The following NAALADL2 variants were observed in gnomAD, a reference collection of about 807,000 sequenced individuals.
NAALADL2 encodes N-acetylated alpha-linked acidic dipeptidase like 2.
Under a neutral mutation model 87.2 loss-of-function variants are expected in NAALADL2, and 76 were observed. The ratio of observed to expected loss-of-function variants is 0.87; its 90% CI spans 0.72 to 1.05. The LOEUF (loss-of-function observed/expected upper bound fraction) is 1.05, where lower values mean the gene tolerates loss of function less well. Among genes scored for constraint, NAALADL2 ranks in the 50% least tolerant of loss-of-function variants. NAALADL2 has a pLI of 0.00. For missense variants in NAALADL2, 1,089 were observed against 945.8 expected, an observed-to-expected ratio of 1.15 and a Z score of -1.99; for synonymous variants, 354 against 331.0, an observed-to-expected ratio of 1.07 and a Z score of -0.75.
intron 9 of NAALADL2, among the ~76,000 whole-genome samples, chr3:175,562,423 A>G (rs1248041463): frequency 6.6e-6 from 1 of 152,034 alleles, no homozygotes; most frequent in Non-Finnish European, 1.5e-5. Flanking sequence ...ATATTATATG[A>G]CATATTTTTA....
At chr3:174,919,660 T>C (rs115936491) in intron 1 of NAALADL2, among the ~76,000 whole-genome samples, 1,568 of 152,302 alleles carry the variant, frequency 0.01, 28 homozygotes, top group African/African-American at 0.036. Flanking sequence ...AAACTCCAAT[T>C]GATGTTGATA....
chr3:175,332,454 C>A (rs1399905075), intron 5 of NAALADL2, among the ~76,000 whole-genome samples: 1 of 152,150 alleles, frequency 6.6e-6, no homozygotes, highest in Non-Finnish European at 1.5e-5. Flanking sequence ...GGATGTGCCA[C>A]CATGCCTGGC....
intron 6 of NAALADL2, among the ~76,000 whole-genome samples, chr3:175,457,795 C>A (rs1402419452): frequency 1.3e-5 from 2 of 151,092 alleles, no homozygotes; most frequent in African/African-American, 4.9e-5. Context: ...CAGGCATGAG[C>A]CACCACTTCC....
At chr3:174,896,969 A>T (rs1029099155) in intron 1 of NAALADL2, among the ~76,000 whole-genome samples, 1 of 152,218 alleles carries the variant, frequency 6.6e-6, no homozygotes, top group African/African-American at 2.4e-5. Flanking sequence ...TGGGATATCC[A>T]TATGCAAACA....
chr3:175,612,867 T>C (rs1724830226), intron 10 of NAALADL2, among the ~76,000 whole-genome samples: 1 of 152,244 alleles, frequency 6.6e-6, no homozygotes, highest in South Asian at 2.1e-4. Flanking sequence ...ACGTTCTGCA[T>C]TCTCAATGAT....
chr3:174,925,832 C>A (rs1057090020), intron 1 of NAALADL2, among the ~76,000 whole-genome samples: 1 of 151,894 alleles, frequency 6.6e-6, no homozygotes, highest in Non-Finnish European at 1.5e-5. Context: ...TTCTCTTTGC[C>A]AGCAACAGAA....
chr3:175,339,535 T>C (rs1762369814), intron 5 of NAALADL2, among the ~76,000 whole-genome samples: 1 of 152,222 alleles, frequency 6.6e-6, no homozygotes, highest in Admixed American at 6.5e-5. Flanking sequence ...TATATTTGTC[T>C]TTAATTCTTT....
At chr3:174,601,563 A>C (rs906622032) in intron 2 of NAALADL2, among the ~76,000 whole-genome samples, 6 of 152,138 alleles carry the variant, frequency 3.9e-5, no homozygotes, top group Admixed American at 3.9e-4. Context: ...TCAGATGGGT[A>C]GTTTGCAAAT....
intron 1 of NAALADL2, among the ~76,000 whole-genome samples, chr3:175,036,177 T>G (rs1478193568): frequency 6.6e-6 from 1 of 152,186 alleles, no homozygotes; most frequent in Non-Finnish European, 1.5e-5. Context: ...AGCATTTTGC[T>G]TGTATGATTA....
intron 11 of NAALADL2, among the ~76,000 whole-genome samples, chr3:175,648,656 C>T (rs1019684843): frequency 5.3e-5 from 8 of 152,068 alleles, no homozygotes; most frequent in African/African-American, 1.9e-4. Context: ...TAATTTTATT[C>T]TCAGATATGT....
At chr3:175,212,393 G>T (rs1478703003) in intron 2 of NAALADL2, among the ~76,000 whole-genome samples, 1 of 151,436 alleles carries the variant, frequency 6.6e-6, no homozygotes, top group Non-Finnish European at 1.5e-5. Flanking sequence ...AAGCTAAAAG[G>T]GTCTGTTACA....
intron 2 of NAALADL2, among the ~76,000 whole-genome samples, chr3:174,718,912 A>T (rs888062785): frequency 7.2e-5 from 11 of 152,200 alleles, no homozygotes; most frequent in African/African-American, 2.7e-4. Flanking sequence ...AAAGAAAATC[A>T]TTGGAAAAAA....
intron 5 of NAALADL2, among the ~76,000 whole-genome samples, chr3:175,368,899 A>C (rs1446722810): frequency 6.6e-6 from 1 of 152,158 alleles, no homozygotes; most frequent in African/African-American, 2.4e-5. Flanking sequence ...TATGATATAA[A>C]AGATTAAAAA....
chr3:175,755,290 G>A lies in NAALADL2; in HGVS notation c.2061G>A (p.Gln687=), dbSNP rs1156689946. The A allele has an allele frequency of 6.2e-7, 1 of 1,613,656 alleles. No homozygotes were observed. The highest frequency in any genetic ancestry group is 8.5e-7 in the Non-Finnish European group (1 of 1,179,768). Residue 687 remains glutamine (Q), a synonymous_variant, in exon 13 of 14, where the codon CAG becomes CAA. Transcript: ENST00000454872. Reference sequence around the variant, plus strand: ...TGCGGGAGAGTGCTGAACTTTTTCAGTCTGATGAGATGCGACCTGCTAATG... The same window carrying A: ...TGCGGGAGAGTGCTGAACTTTTTCAATCTGATGAGATGCGACCTGCTAATG... ...LRLRESAELF[Q]SDEMRPANDP... is the part of the protein sequence containing the mutation.
chr3:174,810,260 A>G (rs1720021765), intron 3 of NAALADL2, among the ~76,000 whole-genome samples: 1 of 152,138 alleles, frequency 6.6e-6, no homozygotes, highest in South Asian at 2.1e-4. Flanking sequence ...AGGGTGAAAG[A>G]GTTTGGAGGT....
At chr3:175,245,288 T>G (rs1437660622) in intron 3 of NAALADL2, among the ~76,000 whole-genome samples, 1 of 152,174 alleles carries the variant, frequency 6.6e-6, no homozygotes, top group African/African-American at 2.4e-5. Context: ...CTGGAAAATG[T>G]TTAAAGTTTT....
chr3:175,100,820 C>T (rs1228020404), intron 2 of NAALADL2, among the ~76,000 whole-genome samples: 1 of 96,322 alleles, frequency 1.0e-5, no homozygotes, highest in Non-Finnish European at 1.9e-5. Context: ...GCCTAGGCAA[C>T]AATGTGAGAC....
At chr3:175,793,670 A>G (rs977679554) in intron 13 of NAALADL2, among the ~76,000 whole-genome samples, 1 of 152,156 alleles carries the variant, frequency 6.6e-6, no homozygotes, top group Non-Finnish European at 1.5e-5. Context: ...GAAAAATTTT[A>G]TAAAACATAA....
At chr3:174,543,511 A>G (rs1722442466) in intron 1 of NAALADL2, among the ~76,000 whole-genome samples, 1 of 152,002 alleles carries the variant, frequency 6.6e-6, no homozygotes, top group South Asian at 2.1e-4. Context: ...GCTTTCTAAG[A>G]TGTTTTATAG....
Sources: gnomAD v4.1 joint callset for allele counts (sites outside exome capture counted in the v4.1 genomes callset) on GRCh38, gnomAD v4.1.1 for gene constraint, MANE v1.5 for transcripts, NCBI Gene and HGNC (gene_info 2026-07-23, HGNC 2026-07-21) for gene names.